EGFR: variants seen among roughly 807,000 people sequenced by gnomAD.
The protein encoded by EGFR is epidermal growth factor receptor, also known as avian erythroblastic leukemia viral (v-erb-b) oncogene homolog.
A neutral mutation model predicts 143.0 loss-of-function variants in EGFR; 58 were observed. The ratio of observed to expected loss-of-function variants is 0.41; its 90% CI spans 0.33 to 0.50. EGFR has a LOEUF of 0.50. Among genes scored for constraint, EGFR ranks in the 20% least tolerant of loss-of-function variants. EGFR has a pLI of 0.39. For missense variants in EGFR, 1,307 were observed against 1,579.0 expected (o/e 0.83, Z 2.92); for synonymous variants, 613 against 594.4 (o/e 1.03, Z -0.45).
At chr7:55,194,226 C>CT (rs56129716) in intron 22 of EGFR, among the ~76,000 whole-genome samples, 647 of 132,904 alleles carry the variant, frequency 4.9e-3, no homozygotes, top group Non-Finnish European at 7.6e-3. Context: ...TATTTTTTAA[C>CT]TTTTTTTTTT....
chr7:55,182,449 C>G (rs1786928185), intron 20 of EGFR: 1 of 152,250 alleles, frequency 6.6e-6, no homozygotes, highest in Non-Finnish European at 1.5e-5. Flanking sequence ...GAGGCGCTCA[C>G]CCAACTCCAG....
At chr7:55,160,015 C>A (rs916500892) in intron 11 of EGFR, 124 bp from the exon 12 acceptor site, 3 of 1,024,510 alleles carry the variant, frequency 2.9e-6, no homozygotes, top group African/African-American at 3.2e-5. Flanking sequence ...CCTCCCACAG[C>A]ATGACCTACC....
intron 22 of EGFR, among the ~76,000 whole-genome samples, chr7:55,196,799 A>G (rs1787640601): frequency 6.7e-6 from 1 of 150,036 alleles, no homozygotes; most frequent in Non-Finnish European, 1.5e-5. Context: ...TTTTTTGTCA[A>G]CTTTGTCAAC....
chr7:55,042,856 G>A (rs181816956), intron 1 of EGFR, among the ~76,000 whole-genome samples: 64 of 152,262 alleles, frequency 4.2e-4, no homozygotes, highest in Non-Finnish European at 8.2e-4. Context: ...ATGGAAATTA[G>A]CATTGCAAAT....
rs2241055 is a variant in EGFR, at chr7:55,172,768, G to C, written c.1920-215G>C. On this transcript the variant is annotated intron_variant, in intron 16 of 27. Coordinates refer to ENST00000275493, the MANE Select transcript of EGFR (RefSeq NM_005228.5). ...CCTCAATTTTAAAAAATGAGGAAAA[G>C]TGTGCCTGGTAGGGGACTGGGGAGA... is the stretch of plus-strand genomic sequence containing the variant. 457,858 of 1,371,538 alleles carry C rather than the reference G, an allele frequency of 0.33. 79,730 individuals are homozygous for C. Among genetic ancestry groups the C allele is most frequent in the East Asian group, 0.59 (23,477 of 39,872 alleles). The allele number at this position is 1,371,538 out of a possible 1,614,324, so 85.0% of individuals were successfully genotyped here.
intron 1 of EGFR, among the ~76,000 whole-genome samples, chr7:55,063,371 C>G (rs17335891): frequency 0.26 from 38,903 of 151,958 alleles, 6,811 homozygotes; most frequent in East Asian, 0.87. Context: ...TTAGATCGAA[C>G]CACATGTGCT....
rs762378199 is a variant in EGFR at position 55,181,498 on chromosome 7, A to G, written c.2469+20A>G. 1.9e-6 allele frequency: 3 copies of G among 1,614,078 alleles called. No homozygotes were observed. The African/African-American group carries it at 4.0e-5, about 22-fold the overall frequency. On this transcript the variant is annotated intron_variant, in intron 20 of 27. Coordinates refer to ENST00000275493, the MANE Select transcript of EGFR (RefSeq NM_005228.5). ...GCAAAGGTAATCAGGGAAGGGAGATACGGGGAGGGGAGATAAGGAGCCAGG... is the reference window on the plus strand; with the variant it reads ...GCAAAGGTAATCAGGGAAGGGAGATGCGGGGAGGGGAGATAAGGAGCCAGG...
At chr7:55,072,191 G>A (rs1789872254) in intron 1 of EGFR, among the ~76,000 whole-genome samples, 2 of 151,432 alleles carry the variant, frequency 1.3e-5, no homozygotes, top group Non-Finnish European at 3.0e-5. Context: ...AATTTTAAAT[G>A]TATGCAACAT....
Position 55,172,491 on chromosome 7 carries a change from T to C in EGFR, c.1920-492T>C, listed in dbSNP as rs1026514304. ...CAGAGAGTATTTCACACAATCCATGTGCTCATCTTAAAAGCCAAGGACCCA... is the reference window on the plus strand; with the variant it reads ...CAGAGAGTATTTCACACAATCCATGCGCTCATCTTAAAAGCCAAGGACCCA... On this transcript the variant is annotated intron_variant, in intron 16 of 27. Transcript: ENST00000275493. 3.3e-5 allele frequency among the ~76,000 whole-genome samples: 5 copies of C among 152,192 alleles called. No individual in the cohort carries two copies. The East Asian group carries it at 9.6e-4, about 29-fold the overall frequency.
At chr7:55,191,118 C>T (rs987858800) in intron 20 of EGFR, among the ~76,000 whole-genome samples, 1 of 152,080 alleles carries the variant, frequency 6.6e-6, no homozygotes, top group Non-Finnish European at 1.5e-5. Flanking sequence ...TCAATTGCAG[C>T]GAGATTGTGG....
At chr7:55,067,934 G>A (rs77390854) in intron 1 of EGFR, among the ~76,000 whole-genome samples, 2,506 of 151,326 alleles carry the variant, frequency 0.017, 211 homozygotes, top group African/African-American at 0.058. Context: ...GTCTGCGCAC[G>A]TGTGTATGCA....
rs1427062701 is a variant in EGFR at position 55,146,774 on chromosome 7, G to T, written c.559+34G>T. On this transcript the variant is annotated intron_variant, in intron 4 of 27. Coordinates refer to ENST00000275493, the MANE Select transcript of EGFR (RefSeq NM_005228.5). ...CGCATACACACTATCTCTGCCTCCA[G>T]CTCCTATGGGGGACAGCTCTACAGC... is the stretch of plus-strand genomic sequence containing the variant. 3.7e-6 allele frequency: 6 copies of T among 1,613,852 alleles called. No homozygotes were observed. The Admixed American group carries it at 1.0e-4, about 27-fold the overall frequency.
At chr7:55,132,174 G>A (rs891535759) in intron 1 of EGFR, among the ~76,000 whole-genome samples, 4 of 152,072 alleles carry the variant, frequency 2.6e-5, no homozygotes, top group Non-Finnish European at 4.4e-5. Context: ...GGTAAAAATT[G>A]AAGAAAAATT....
At position 55,151,860 on chromosome 7, in the gene EGFR, C is replaced by T. The variant is rs17289802; in HGVS notation, c.628+498C>T. ...CTGCATTCCAGCCTGGGCGACAGAG[C>T]GAGACTCCGTCTCAAAACAACAACA... On this transcript the variant is annotated intron_variant, in intron 5 of 27. Coordinates refer to ENST00000275493, the MANE Select transcript of EGFR (RefSeq NM_005228.5). Among the ~76,000 whole-genome samples the T allele has an allele frequency of 3.3e-3, 496 of 150,782 alleles. 2 individuals carry two copies. Among genetic ancestry groups the T allele is most frequent in the African/African-American group, 0.012 (479 of 40,890 alleles).
intron 19 of EGFR, 131 bp from the exon 20 acceptor site, chr7:55,181,162 G>A (rs1247295776): frequency 1.7e-6 from 2 of 1,159,356 alleles, no homozygotes. Flanking sequence ...TGCAGGCACA[G>A]CTTTTCCTCC....
At chr7:55,067,231 A>G (rs1562685443) in intron 1 of EGFR, among the ~76,000 whole-genome samples, 3 of 152,164 alleles carry the variant, frequency 2.0e-5, no homozygotes, top group Non-Finnish European at 4.4e-5. Flanking sequence ...AGAAACCCTC[A>G]AGGTGGTTGT....
intron 1 of EGFR, among the ~76,000 whole-genome samples, chr7:55,073,415 A>T (rs939426989): frequency 6.6e-6 from 1 of 152,202 alleles, no homozygotes; most frequent in Non-Finnish European, 1.5e-5. Context: ...GGTGAGGCAC[A>T]TGCTGGAAAG....
chr7:55,102,677 A>C (rs1279422530), intron 1 of EGFR, among the ~76,000 whole-genome samples: 1 of 152,232 alleles, frequency 6.6e-6, no homozygotes, highest in East Asian at 1.9e-4. Context: ...TCAACTCTTT[A>C]GGGTCAGAAT....
In EGFR at chr7:55,062,268, G is replaced by A. The variant is rs1218181008; in HGVS notation, c.88+42903G>A. Among the ~76,000 whole-genome samples, 3 of 152,154 alleles carry A rather than the reference G, an allele frequency of 2.0e-5. No individual in the cohort carries two copies. In the East Asian group the frequency reaches 5.8e-4, roughly 29 times the overall value. On this transcript the variant is annotated intron_variant, in intron 1 of 27. Transcript: ENST00000275493. Reference sequence around the variant, plus strand: ...ATTAAAATTAGTCTTCAATGACATGGCAGGGATTTCGGCACACTCTCTTGC... The same window carrying A: ...ATTAAAATTAGTCTTCAATGACATGACAGGGATTTCGGCACACTCTCTTGC...
Sources: gnomAD v4.1 joint callset for allele counts (sites outside exome capture counted in the v4.1 genomes callset) on GRCh38, gnomAD v4.1.1 for gene constraint, MANE v1.5 for transcripts, NCBI Gene and HGNC (gene_info 2026-07-23, HGNC 2026-07-21) for gene names.